The following KCNIP4 variants were observed in gnomAD, a reference collection of about 807,000 sequenced individuals.
The protein encoded by KCNIP4 is potassium voltage-gated channel interacting protein 4.
A neutral mutation model predicts 34.0 loss-of-function variants in KCNIP4; 12 were observed. The observed-to-expected ratio is 0.35, with a 90% CI of 0.23 to 0.57. The LOEUF (loss-of-function observed/expected upper bound fraction) is 0.57. Ranked by LOEUF, KCNIP4 falls within the 20% of genes least tolerant of loss-of-function variation. KCNIP4 has a pLI of 0.83. For missense variants in KCNIP4, 238 were observed against 311.7 expected, an observed-to-expected ratio of 0.76 and a Z score of 1.78; for synonymous variants, 124 against 102.2, an observed-to-expected ratio of 1.21 and a Z score of -1.29.
intron 1 of KCNIP4, among the ~76,000 whole-genome samples, chr4:21,817,703 A>G (rs1470966340): frequency 1.3e-5 from 2 of 152,058 alleles, no homozygotes; most frequent in African/African-American, 4.8e-5. Flanking sequence ...TGAGATAAGG[A>G]CTGAGATATG....
intron 1 of KCNIP4, among the ~76,000 whole-genome samples, chr4:21,686,170 A>T (rs1324899427): frequency 6.6e-6 from 1 of 152,212 alleles, no homozygotes; most frequent in Non-Finnish European, 1.5e-5. Context: ...TCTTATCCTA[A>T]TCTGGTGGTC....
chr4:21,001,252 T>C (rs1157247865), intron 1 of KCNIP4, among the ~76,000 whole-genome samples: 2 of 152,192 alleles, frequency 1.3e-5, no homozygotes, highest in African/African-American at 2.4e-5. Context: ...GTTATGTTAA[T>C]AGAGAAAAAA....
chr4:21,586,957 A>T (rs536032183), intron 1 of KCNIP4, among the ~76,000 whole-genome samples: 1 of 152,202 alleles, frequency 6.6e-6, no homozygotes, highest in East Asian at 1.9e-4. Flanking sequence ...TATAACAAAA[A>T]GCAAAAGCTG....
intron 1 of KCNIP4, among the ~76,000 whole-genome samples, chr4:21,425,813 G>T (rs1427215408): frequency 6.6e-6 from 1 of 152,136 alleles, no homozygotes; most frequent in Non-Finnish European, 1.5e-5. Flanking sequence ...ACTTTGGGAG[G>T]CCGAGGCAGT....
At chr4:21,860,038 C>T (rs1045480877) in intron 1 of KCNIP4, among the ~76,000 whole-genome samples, 12 of 152,108 alleles carry the variant, frequency 7.9e-5, no homozygotes, top group African/African-American at 2.7e-4. Context: ...GAGACGCTAT[C>T]TAAAAAACAT....
chr4:21,589,192 A>ACT (rs1741928732), intron 1 of KCNIP4, among the ~76,000 whole-genome samples: 1 of 62,730 alleles, frequency 1.6e-5, no homozygotes, highest in African/African-American at 5.5e-5. Context: ...ATATATATAT[A>ACT]TATATATATG....
intron 1 of KCNIP4, among the ~76,000 whole-genome samples, chr4:20,909,132 A>G (rs1052821719): frequency 6.6e-6 from 1 of 152,230 alleles, no homozygotes; most frequent in Non-Finnish European, 1.5e-5. Flanking sequence ...CTAAGCTAAA[A>G]AGTAGGCTAC....
chr4:20,801,446 A>T (rs767792117), intron 3 of KCNIP4, among the ~76,000 whole-genome samples: 1 of 152,154 alleles, frequency 6.6e-6, no homozygotes, highest in South Asian at 2.1e-4. Context: ...TAGTATGAAG[A>T]TTAAAAGTCA....
At position 21,035,268 on chromosome 4, in the gene KCNIP4, C is replaced by T. The variant is rs552557738; in HGVS notation, c.62-152559G>A. Among the ~76,000 whole-genome samples the T allele has an allele frequency of 2.6e-5, 4 of 152,178 alleles. No homozygotes were observed. The South Asian group carries it at 8.3e-4, about 32-fold the overall frequency. On this transcript the variant is annotated intron_variant, in intron 1 of 8. Coordinates refer to ENST00000382152, the MANE Select transcript of KCNIP4 (RefSeq NM_025221.6). ...AGTTTCTAACGCATCTTTGGCATTG[C>T]CTGCAATTTCCAAGGCTAATTTTAA...
intron 1 of KCNIP4, among the ~76,000 whole-genome samples, chr4:21,194,306 C>A (rs991146910): frequency 6.6e-6 from 1 of 152,060 alleles, no homozygotes; most frequent in African/African-American, 2.4e-5. Flanking sequence ...TTGTTTATAA[C>A]CTATGACTCC....
At chr4:21,465,013 A>G (rs1466427350) in intron 1 of KCNIP4, among the ~76,000 whole-genome samples, 1 of 152,094 alleles carries the variant, frequency 6.6e-6, no homozygotes, top group East Asian at 1.9e-4. Flanking sequence ...CTCTCTGAAA[A>G]TTAATCTTGA....
At chr4:21,920,661 C>A (rs1728888882) in intron 1 of KCNIP4, among the ~76,000 whole-genome samples, 1 of 152,034 alleles carries the variant, frequency 6.6e-6, no homozygotes, top group African/African-American at 2.4e-5. Context: ...GGATAATGTA[C>A]ATATGTTATA....
At chr4:21,711,327 T>A (rs993843283) in intron 1 of KCNIP4, among the ~76,000 whole-genome samples, 1 of 151,948 alleles carries the variant, frequency 6.6e-6, no homozygotes. Flanking sequence ...CAAAAATTAG[T>A]TGGGTGTGGT....
chr4:21,323,244 C>A (rs1179344945), intron 1 of KCNIP4, among the ~76,000 whole-genome samples: 1 of 150,834 alleles, frequency 6.6e-6, no homozygotes, highest in African/African-American at 2.4e-5. Context: ...TAACCTCAAG[C>A]TTTTATCCTT....
chr4:21,608,293 G>C (rs1298298127), intron 1 of KCNIP4, among the ~76,000 whole-genome samples: 4 of 152,162 alleles, frequency 2.6e-5, no homozygotes, highest in African/African-American at 9.7e-5. Context: ...TGATATAAAG[G>C]TGTCTGCGGG....
intron 1 of KCNIP4, among the ~76,000 whole-genome samples, chr4:21,527,307 G>A (rs993012548): frequency 3.3e-4 from 50 of 152,032 alleles, no homozygotes; most frequent in African/African-American, 1.2e-3. Flanking sequence ...CCCTTACCTT[G>A]GCTAATATTT....
At chr4:21,264,373 A>T (rs1761664708) in intron 1 of KCNIP4, among the ~76,000 whole-genome samples, 1 of 152,210 alleles carries the variant, frequency 6.6e-6, no homozygotes, top group Non-Finnish European at 1.5e-5. Flanking sequence ...ACAAAGCAAA[A>T]TGAGAATCAG....
At chr4:21,838,427 C>T (rs1723476415) in intron 1 of KCNIP4, among the ~76,000 whole-genome samples, 2 of 152,194 alleles carry the variant, frequency 1.3e-5, no homozygotes, top group African/African-American at 4.8e-5. Flanking sequence ...TATTACTCCC[C>T]ACTGGAACAA....
intron 3 of KCNIP4, among the ~76,000 whole-genome samples, chr4:20,777,000 T>A (rs572259313): frequency 6.6e-6 from 1 of 152,314 alleles, no homozygotes; most frequent in Admixed American, 6.5e-5. Flanking sequence ...TCCAAATTCA[T>A]ATGTTGAAAC....
Sources: gnomAD v4.1 joint callset for allele counts (sites outside exome capture counted in the v4.1 genomes callset) on GRCh38, gnomAD v4.1.1 for gene constraint, MANE v1.5 for transcripts, NCBI Gene and HGNC (gene_info 2026-07-23, HGNC 2026-07-21) for gene names.